The following RAD51 variants were observed in gnomAD, a reference collection of about 807,000 sequenced individuals.
The protein encoded by RAD51 is RAD51 recombinase, also known as DNA repair protein RAD51 homolog 1.
RAD51 carries 14 observed loss-of-function variants against 41.5 expected under a neutral mutation model. The observed-to-expected ratio is 0.34, with a 90% CI of 0.22 to 0.53. RAD51 has a LOEUF of 0.53. Ranked by LOEUF, RAD51 falls within the 20% of genes least tolerant of loss-of-function variation. The pLI is 0.95. For synonymous variants in RAD51, 136 were observed against 148.6 expected (o/e 0.92, Z 0.62); for missense variants, 234 against 422.0 (o/e 0.55, Z 3.90).
At chr15:40,730,520 C>CTTTTTTTTTTTTTTCTTTTT (rs1596028824) in intron 9 of RAD51, among the ~76,000 whole-genome samples, 1 of 113,110 alleles carries the variant, frequency 8.8e-6, no homozygotes, top group Non-Finnish European at 1.7e-5. Context: ...AATTTTTTTT[C>CTTTTTTTTTTTTTTCTTTTT]TTTTTTTTTT....
chr15:40,719,284 C>G (rs993716172), intron 6 of RAD51, among the ~76,000 whole-genome samples: 15 of 151,826 alleles, frequency 9.9e-5, no homozygotes, highest in Non-Finnish European at 1.9e-4. Context: ...GTCTCAGACT[C>G]CTGACCTCAG....
intron 3 of RAD51, 142 bp downstream of exon 3, chr15:40,701,343 C>CTT: frequency 1.2e-6 from 1 of 802,340 alleles, no homozygotes. Flanking sequence ...TGTTTCTTTT[C>CTT]TTCTTTTCTT....
At chr15:40,711,572 C>A (rs1215311076) in intron 5 of RAD51, among the ~76,000 whole-genome samples, 2 of 152,096 alleles carry the variant, frequency 1.3e-5, no homozygotes, top group African/African-American at 4.8e-5. Flanking sequence ...CTAGAGTGAT[C>A]ATGGAATACT....
chr15:40,705,317 T>C (rs1315360663), intron 3 of RAD51, among the ~76,000 whole-genome samples: 4 of 152,234 alleles, frequency 2.6e-5, no homozygotes. Context: ...TTTTCAATTT[T>C]AGAATCAACC....
chr15:40,697,919 A>T (rs1894751617), intron 1 of RAD51, among the ~76,000 whole-genome samples: 1 of 152,210 alleles, frequency 6.6e-6, no homozygotes, highest in Non-Finnish European at 1.5e-5. Flanking sequence ...CAGCATATCC[A>T]TCAGTTCACT....
rs998550148 is a variant in RAD51 at position 40,705,144 on chromosome 15, TTCTCTCTAAG to T, written c.226-1032_226-1023del. On this transcript the variant is annotated intron_variant, in intron 3 of 9. Coordinates refer to ENST00000267868, the MANE Select transcript of RAD51 (RefSeq NM_002875.5). Reference sequence around the variant, plus strand: ...AATATAGCTGTTTATAGCTATGAATTTCTCTCTAAGCACTGCTTTTCTTGGAGCCCATACG... The same window carrying T: ...AATATAGCTGTTTATAGCTATGAATTCACTGCTTTTCTTGGAGCCCATACG... 8.5e-5 allele frequency among the ~76,000 whole-genome samples: 13 copies of T among 152,344 alleles called. No individual in the cohort carries two copies. The East Asian group carries it at 2.3e-3, about 27-fold the overall frequency.
chr15:40,726,413 A>ATTTT (rs1385249167), intron 6 of RAD51, among the ~76,000 whole-genome samples: 1 of 151,462 alleles, frequency 6.6e-6, no homozygotes, highest in East Asian at 2.0e-4. Flanking sequence ...CACCACACCC[A>ATTTT]TCTAATTTTT....
intron 6 of RAD51, among the ~76,000 whole-genome samples, chr15:40,727,308 C>T (rs573508583): frequency 3.2e-4 from 48 of 151,250 alleles, no homozygotes; most frequent in African/African-American, 9.9e-4. Flanking sequence ...TTTTTTTGTT[C>T]GTTTGTTTGT....
chr15:40,709,371 C>CTT (rs772005920), intron 5 of RAD51, among the ~76,000 whole-genome samples: 1,318 of 110,746 alleles, frequency 0.012, 26 homozygotes, highest in African/African-American at 0.022. Context: ...TTACTTGCTA[C>CTT]TTTTTTTTTT....
chr15:40,697,484 CT>C (rs1702235280), intron 1 of RAD51, among the ~76,000 whole-genome samples: 2 of 151,056 alleles, frequency 1.3e-5, no homozygotes, highest in South Asian at 4.2e-4. Flanking sequence ...TTCAAGAAAT[CT>C]TTTTCTGTCC....
rs1030398888 is a variant in RAD51, at chr15:40,730,014, C to G, written c.896+40C>G. 4 of 1,607,112 alleles carry G rather than the reference C, an allele frequency of 2.5e-6. No homozygotes were observed. In the African/African-American group the frequency reaches 4.0e-5, roughly 16 times the overall value. ...GGATCAGTTCTTCTTTTCGGAATGTCATATTAACTGTGAAGACATGAAGAT... is the reference window on the plus strand; with the variant it reads ...GGATCAGTTCTTCTTTTCGGAATGTGATATTAACTGTGAAGACATGAAGAT... On this transcript the variant is annotated intron_variant, in intron 9 of 9. Transcript: ENST00000267868.
intron 5 of RAD51, among the ~76,000 whole-genome samples, chr15:40,711,971 T>G (rs1595996696): frequency 6.7e-6 from 1 of 149,782 alleles, no homozygotes; most frequent in Non-Finnish European, 1.5e-5. Flanking sequence ...ACTTGGGAGG[T>G]GGAGGCGGGA....
At chr15:40,723,261 A>G (rs983464533) in intron 6 of RAD51, among the ~76,000 whole-genome samples, 4 of 152,180 alleles carry the variant, frequency 2.6e-5, no homozygotes, top group African/African-American at 9.7e-5. Context: ...AAAATATACA[A>G]CGGTGGTCTC....
chr15:40,731,416 G>GTT lies in RAD51; in HGVS notation c.*241_*242dup, dbSNP rs1251876014. ...TATTAATCTCTGTGTGTTTTCTTTG[G>GTT]TTTTGGAGGAGGGGTATGAAGTATC... On this transcript the variant is annotated 3_prime_UTR_variant, in exon 10 of 10. Coordinates refer to ENST00000267868, the MANE Select transcript of RAD51 (RefSeq NM_002875.5). The GTT allele has an allele frequency of 5.7e-6, 3 of 528,438 alleles. No homozygotes were observed. The highest frequency in any genetic ancestry group is 3.3e-6 in the Non-Finnish European group (1 of 299,886). 32.7% of individuals were successfully genotyped at this position (528,438 alleles called of 1,614,324 possible). A position where few individuals can be genotyped will look rare whatever the true frequency, so the allele number is the denominator to read the frequency against.
rs999567341 is a variant in RAD51 at position 40,701,125 on chromosome 15, A to T, written c.149A>T (p.Glu50Val). 1.2e-6 allele frequency: 2 copies of T among 1,614,130 alleles called. No homozygotes were observed. The highest frequency in any genetic ancestry group is 2.7e-5 in the African/African-American group (2 of 74,952). The change falls in exon 3 of 10, where the codon GAG becomes GTG. Residue 50 changes from glutamate to valine, a missense_variant. Coordinates refer to ENST00000267868, the MANE Select transcript of RAD51 (RefSeq NM_002875.5). ...KLEEAGFHTV[E>V]AVAYAPKKEL... The stretch of plus-strand genomic sequence containing the variant: ...GAAGAAGCTGGATTCCATACTGTGG[A>T]GGCTGTTGCCTATGCGCCAAAGAAG...
chr15:40,730,234 G>A lies in RAD51; in HGVS notation c.896+260G>A, dbSNP rs538732910. 3.9e-5 allele frequency among the ~76,000 whole-genome samples: 6 copies of A among 152,242 alleles called. No individual in the cohort carries two copies. In the South Asian group the frequency reaches 1.2e-3, roughly 32 times the overall value. On this transcript the variant is annotated intron_variant, in intron 9 of 9. Transcript: ENST00000267868. Reference sequence around the variant, plus strand: ...GTTATTTAAAAAATGTTTGGGCTGGGCACAGTGGCTCACACTGGTAATCCC... The same window carrying A: ...GTTATTTAAAAAATGTTTGGGCTGGACACAGTGGCTCACACTGGTAATCCC...
At chr15:40,701,325 C>T (rs1367850646) in intron 3 of RAD51, 124 bp downstream of exon 3, 2 of 1,004,476 alleles carry the variant, frequency 2.0e-6, no homozygotes, top group Non-Finnish European at 3.0e-6. Flanking sequence ...CCAGGGGTGA[C>T]TGTTACCTGT....
At chr15:40,701,860 T>C in intron 3 of RAD51, 1 of 379,072 alleles carries the variant, frequency 2.6e-6, no homozygotes, top group Non-Finnish European at 5.2e-6. Flanking sequence ...CTTGGTCTAC[T>C]GCACCCTCCG....
chr15:40,704,146 T>C (rs1163145992), intron 3 of RAD51, among the ~76,000 whole-genome samples: 1 of 152,020 alleles, frequency 6.6e-6, no homozygotes, highest in Non-Finnish European at 1.5e-5. Context: ...TGATCTCTGC[T>C]CACTGCAACC....
Sources: allele counts gnomAD v4.1 joint callset (sites outside exome capture counted in the v4.1 genomes callset), GRCh38; gene constraint gnomAD v4.1.1; transcripts MANE v1.5; gene names NCBI Gene and HGNC (gene_info 2026-07-23, HGNC 2026-07-21).